Variants in VPS13A observed in about 807,000 individuals in gnomAD.
VPS13A encodes intermembrane lipid transfer protein VPS13A.
In VPS13A, 264 loss-of-function variants were observed where a neutral mutation model predicts 390.9. The observed-to-expected ratio is 0.68, with a 90% CI of 0.61 to 0.75. The LOEUF is 0.75. Ranked by LOEUF, VPS13A falls within the 30% of genes least tolerant of loss-of-function variation. The pLI, the probability that VPS13A is intolerant of heterozygous loss-of-function variation, is 0.00. For synonymous variants in VPS13A, 1,231 were observed against 1,227.1 expected (o/e 1.00, Z -0.07); for missense variants, 3,409 against 3,733.9 (o/e 0.91, Z 2.27).
chr9:77,404,599 G>A lies in VPS13A; in HGVS notation c.9276-1265G>A, dbSNP rs1020837684. Reference sequence around the variant, plus strand: ...TTAAGCAAAATCAGTTGCAAAGTTTGGTTCCAAATCTTGCAACATTTTAAA... The same window carrying A: ...TTAAGCAAAATCAGTTGCAAAGTTTAGTTCCAAATCTTGCAACATTTTAAA... On this transcript the variant is annotated intron_variant, in intron 69 of 71. Transcript: ENST00000360280. 1.2e-3 allele frequency among the ~76,000 whole-genome samples: 186 copies of A among 152,276 alleles called. 2 individuals carry two copies. Among genetic ancestry groups the A allele is most frequent in the Non-Finnish European group, 2.8e-4 (19 of 68,012 alleles).
At chr9:77,191,919 A>C (rs1824710427) in intron 1 of VPS13A, among the ~76,000 whole-genome samples, 1 of 151,988 alleles carries the variant, frequency 6.6e-6, no homozygotes, top group Non-Finnish European at 1.5e-5. Flanking sequence ...TGTTGACTTT[A>C]GGTCTGTCTA....
intron 68 of VPS13A, chr9:77,382,796 T>C: frequency 1.0e-6 from 1 of 985,470 alleles, no homozygotes; most frequent in Non-Finnish European, 1.2e-6. Flanking sequence ...TGCAAACCAG[T>C]ATCTTTTAAT....
intron 34 of VPS13A, among the ~76,000 whole-genome samples, chr9:77,307,502 G>A (rs1157555751): frequency 1.3e-5 from 2 of 152,044 alleles, no homozygotes; most frequent in Non-Finnish European, 2.9e-5. Context: ...ATAGACCTAG[G>A]ACTTTTTCGA....
chr9:77,229,643 C>A (rs998158580), intron 17 of VPS13A, among the ~76,000 whole-genome samples: 7 of 152,096 alleles, frequency 4.6e-5, no homozygotes, highest in Non-Finnish European at 7.4e-5. Context: ...CTATTATGGA[C>A]GCATCACGTT....
chr9:77,187,233 TG>T (rs1451994305), intron 1 of VPS13A, among the ~76,000 whole-genome samples: 1 of 152,228 alleles, frequency 6.6e-6, no homozygotes, highest in African/African-American at 2.4e-5. Flanking sequence ...GTCAGATTTT[TG>T]GGTTACATAC....
At chr9:77,282,039 A>C (rs1482162456) in intron 28 of VPS13A, 82 bp from the exon 29 acceptor site, 10 of 1,432,190 alleles carry the variant, frequency 7.0e-6, no homozygotes, top group Non-Finnish European at 8.8e-6. Context: ...TATATCCTTT[A>C]TGCCACAAAG....
At chr9:77,200,061 T>A (rs1825235716) in intron 2 of VPS13A, 73 bp downstream of exon 2, 1 of 1,305,904 alleles carries the variant, frequency 7.7e-7, no homozygotes. Context: ...ATTCAGTTTG[T>A]CACCTTAAAT....
intron 68 of VPS13A, chr9:77,383,106 T>A: frequency 1.2e-6 from 1 of 834,146 alleles, no homozygotes; most frequent in Non-Finnish European, 1.4e-6. Flanking sequence ...TTAAATATTG[T>A]GATATTTAAT....
At chr9:77,189,727 T>C (rs1308206120) in intron 1 of VPS13A, among the ~76,000 whole-genome samples, 1 of 152,148 alleles carries the variant, frequency 6.6e-6, no homozygotes, top group Non-Finnish European at 1.5e-5. Context: ...ATTCTTCCTG[T>C]CTATGAGCAT....
intron 5 of VPS13A, among the ~76,000 whole-genome samples, chr9:77,206,344 TACAC>T (rs61192750): frequency 6.7e-5 from 10 of 149,278 alleles, no homozygotes; most frequent in South Asian, 2.1e-4. Context: ...TATATATATA[TACAC>T]ACACACACAT....
At chr9:77,393,786 T>C (rs1327184797) in intron 68 of VPS13A, among the ~76,000 whole-genome samples, 1 of 152,232 alleles carries the variant, frequency 6.6e-6, no homozygotes, top group Non-Finnish European at 1.5e-5. Flanking sequence ...TTTCTTTTTT[T>C]TGAGACGGAG....
chr9:77,414,855 T>C (rs1835107233), intron 71 of VPS13A, among the ~76,000 whole-genome samples: 1 of 152,100 alleles, frequency 6.6e-6, no homozygotes, highest in South Asian at 2.1e-4. Context: ...CCTCCTGCAC[T>C]CATACAACAC....
intron 34 of VPS13A, among the ~76,000 whole-genome samples, chr9:77,306,936 A>C (rs1422774899): frequency 2.1e-5 from 3 of 142,680 alleles, no homozygotes; most frequent in African/African-American, 7.9e-5. Context: ...TTTGAGACAG[A>C]GTCTCTGTTG....
At position 77,370,569 on chromosome 9, in the gene VPS13A, C is replaced by A. The variant is rs1324910369; in HGVS notation, c.8898C>A (p.Gly2966=). The A allele has an allele frequency of 6.2e-7, 1 of 1,614,042 alleles. No individual in the cohort carries two copies. The highest frequency in any genetic ancestry group is 1.7e-5 in the Admixed American group (1 of 60,008). The change falls in exon 65 of 72, where the codon GGC becomes GGA. Residue 2966 remains glycine (G), a synonymous_variant. Transcript: ENST00000360280. ...FREGITRGGK[G]LVSGFVSGIT... ...AAGGCATCACTCGTGGAGGAAAAGGCTTAGTTTCTGTAAGAAATTTCACAG... is the reference window on the plus strand; with the variant it reads ...AAGGCATCACTCGTGGAGGAAAAGGATTAGTTTCTGTAAGAAATTTCACAG...
chr9:77,192,030 T>C (rs1824717339), intron 1 of VPS13A, among the ~76,000 whole-genome samples: 1 of 152,182 alleles, frequency 6.6e-6, no homozygotes, highest in Admixed American at 6.5e-5. Context: ...GGTGCTCCAG[T>C]GTTGGGTATA....
At position 77,247,268 on chromosome 9, in the gene VPS13A, A is replaced by G. The variant is rs1824870868; in HGVS notation, c.1910A>G (p.Tyr637Cys). Residue 637 changes from tyrosine (Y) to cysteine (C), a missense_variant, in exon 20 of 72, where the codon TAT (tyrosine) becomes TGT (cysteine). By Grantham distance (194) the Tyr-to-Cys change is radical. This residue lies in a region of VPS13A where 2,717 missense variants were observed against 2,917.4 expected (regional missense o/e 0.93). Transcript: ENST00000360280. ...FRSKTATGLL[Y>C]IIETQKVLDL... is the part of the protein sequence containing the mutation. ...ATTTACATTTTTCCAGGTCTACTGT[A>G]TATTATTGAAACACAGAAAGTTCTT... 2 of 1,594,770 alleles carry G rather than the reference A, an allele frequency of 1.3e-6. No individual in the cohort carries two copies. The highest frequency in any genetic ancestry group is 1.7e-6 in the Non-Finnish European group (2 of 1,167,214).
intron 37 of VPS13A, among the ~76,000 whole-genome samples, chr9:77,315,037 T>C (rs1233565843): frequency 6.6e-6 from 1 of 152,190 alleles, no homozygotes; most frequent in Non-Finnish European, 1.5e-5. Context: ...ACTCTTATAA[T>C]TTATTGAACA....
At chr9:77,262,935 T>C (rs940142673) in intron 23 of VPS13A, among the ~76,000 whole-genome samples, 1 of 152,140 alleles carries the variant, frequency 6.6e-6, no homozygotes, top group Non-Finnish European at 1.5e-5. Context: ...TTATAATCCT[T>C]TGGGTATGTA....
chr9:77,257,693 G>C (rs1825524394), intron 22 of VPS13A, among the ~76,000 whole-genome samples: 1 of 152,166 alleles, frequency 6.6e-6, no homozygotes, highest in African/African-American at 2.4e-5. Context: ...TTGAGCCCAG[G>C]AGGTTGAGGC....
Sources: gnomAD v4.1 joint callset for allele counts (sites outside exome capture counted in the v4.1 genomes callset) on GRCh38, gnomAD v4.1.1 for gene constraint, gnomAD v4.1.1 regional missense constraint, MANE v1.5 for transcripts, NCBI Gene and HGNC (gene_info 2026-07-23, HGNC 2026-07-21) for gene names.